Variants in URM1 observed in about 807,000 individuals in gnomAD.
The protein encoded by URM1 is ubiquitin-related modifier 1.
A neutral mutation model predicts 17.7 loss-of-function variants in URM1; 11 were observed. That is an observed-to-expected ratio of 0.62 (90% CI 0.39 to 1.03). The LOEUF (loss-of-function observed/expected upper bound fraction) is 1.03. Among genes scored for constraint, URM1 ranks in the 50% least tolerant of loss-of-function variants. The pLI, the probability that URM1 is intolerant of heterozygous loss-of-function variation, is 0.00. For synonymous variants in URM1, 48 were observed against 50.6 expected, an observed-to-expected ratio of 0.95 and a Z score of 0.22; for missense variants, 128 against 129.2, an observed-to-expected ratio of 0.99 and a Z score of 0.04.
At chr9:128,372,780 A>C (rs1477324753) in intron 1 of URM1, among the ~76,000 whole-genome samples, 3 of 152,106 alleles carry the variant, frequency 2.0e-5, no homozygotes, top group African/African-American at 7.2e-5. Flanking sequence ...CTGCTGTGTT[A>C]AGATTTATCT....
At chr9:128,378,136 T>C in intron 2 of URM1, 30 bp downstream of exon 2, 1 of 1,525,318 alleles carries the variant, frequency 6.6e-7, no homozygotes, top group Non-Finnish European at 9.0e-7. Context: ...ACCCCTCTCT[T>C]GGGGCCATTG....
chr9:128,375,170 T>A (rs768002311), intron 1 of URM1, among the ~76,000 whole-genome samples: 2 of 152,136 alleles, frequency 1.3e-5, no homozygotes, highest in Non-Finnish European at 2.9e-5. Context: ...TCCCTGAGGA[T>A]GAAATGAGAT....
rs1182897017 is a variant in URM1, at chr9:128,387,415, G to A, written c.107-401G>A. Among the ~76,000 whole-genome samples, 1 of 152,242 alleles carries A rather than the reference G, an allele frequency of 6.6e-6. No individual in the cohort carries two copies. Among genetic ancestry groups the A allele is most frequent in the Non-Finnish European group, 1.5e-5 (1 of 68,040 alleles). ...TGCGACTGGCTGGAGAGATAAAGGT[G>A]GAGGGGGCTCTTCAAGGTCCTCTCA... On this transcript the variant is annotated intron_variant, in intron 2 of 4. Coordinates refer to ENST00000372853, the MANE Select transcript of URM1 (RefSeq NM_030914.4). This position sits in a 1 kb window ranked among gnomAD's most constrained non-coding sequence, Gnocchi z 4.3.
chr9:128,375,581 A>G (rs1833065470), intron 1 of URM1, among the ~76,000 whole-genome samples: 1 of 151,920 alleles, frequency 6.6e-6, no homozygotes, highest in African/African-American at 2.4e-5. Flanking sequence ...TAGTTTTGAG[A>G]TAGGGTCTCA....
chr9:128,375,808 C>T (rs894406915), intron 1 of URM1, among the ~76,000 whole-genome samples: 16 of 152,040 alleles, frequency 1.1e-4, no homozygotes, highest in Admixed American at 8.5e-4. Context: ...AATCCTCCCT[C>T]GCCTCTCAGC....
rs750370980 is a variant in URM1 at position 128,389,654 on chromosome 9, C to G, written c.238-12C>G. On this transcript the variant is annotated splice_polypyrimidine_tract_variant and intron_variant, in intron 4 of 4. Coordinates refer to ENST00000372853, the MANE Select transcript of URM1 (RefSeq NM_030914.4). ...CCCTGAGGGTCTCCCGCTCCCCTCTCTCCCGCACCAGGGTGAGCTGGACTA... is the reference window on the plus strand; with the variant it reads ...CCCTGAGGGTCTCCCGCTCCCCTCTGTCCCGCACCAGGGTGAGCTGGACTA... 1 of 1,613,502 alleles carries G rather than the reference C, an allele frequency of 6.2e-7. No homozygotes were observed. The highest frequency in any genetic ancestry group is 8.5e-7 in the Non-Finnish European group (1 of 1,179,976).
At position 128,389,724 on chromosome 9, in the gene URM1, A is replaced by G. The variant is rs1379838312; in HGVS notation, c.296A>G (p.His99Arg). 1.9e-6 allele frequency: 3 copies of G among 1,613,362 alleles called. No homozygotes were observed. Among genetic ancestry groups the G allele is most frequent in the Non-Finnish European group, 2.5e-6 (3 of 1,179,992 alleles). The stretch of plus-strand genomic sequence containing the variant: ...AGCGTCCTCTTCATCTCCACTCTGC[A>G]CGGCGGCTGAGGGCCCTTCTCTGGG... ...QDSVLFISTL[H>R]GG is the part of the protein sequence containing the mutation. Residue 99 changes from histidine (H) to arginine (R), a missense_variant, in exon 5 of 5, where the codon CAC becomes CGC. Physicochemically the swap from His to Arg is conservative, Grantham distance 29 (BLOSUM62 0). Coordinates refer to ENST00000372853, the MANE Select transcript of URM1 (RefSeq NM_030914.4).
intron 2 of URM1, among the ~76,000 whole-genome samples, chr9:128,380,327 G>C (rs777839739): frequency 6.6e-6 from 1 of 151,430 alleles, no homozygotes; most frequent in Non-Finnish European, 1.5e-5. Flanking sequence ...GTGGAGGCTG[G>C]GGGGGGGACA....
intron 3 of URM1, chr9:128,389,001 A>C (rs1833266604): frequency 1.5e-6 from 2 of 1,301,744 alleles, no homozygotes; most frequent in South Asian, 4.9e-5. Context: ...TCAGAAACAA[A>C]ATGACCTGCC....
chr9:128,381,836 A>G (rs746897414), intron 2 of URM1, among the ~76,000 whole-genome samples: 1 of 152,260 alleles, frequency 6.6e-6, no homozygotes, highest in Non-Finnish European at 1.5e-5. Context: ...GCGCTTTGCC[A>G]CTAACCCATC....
intron 2 of URM1, among the ~76,000 whole-genome samples, 183 bp downstream of exon 2, chr9:128,378,289 A>G (rs1833105165): frequency 6.6e-6 from 1 of 151,970 alleles, no homozygotes; most frequent in African/African-American, 2.4e-5. Flanking sequence ...CTGTAATCCC[A>G]GCACTTTGGG....
chr9:128,386,057 G>C lies in URM1; in HGVS notation c.107-1759G>C, dbSNP rs564309292. Among the ~76,000 whole-genome samples the C allele has an allele frequency of 1.3e-4, 20 of 152,308 alleles. No individual in the cohort carries two copies. In the South Asian group the frequency reaches 3.9e-3, roughly 30 times the overall value. On this transcript the variant is annotated intron_variant, in intron 2 of 4. Transcript: ENST00000372853. ...TCCCCCACCCCCAGGCCTATCCAGA[G>C]TGGAGCAGAAGCACCTTCCCTTTGG... is the stretch of plus-strand genomic sequence containing the variant.
chr9:128,378,219 T>G, intron 2 of URM1, 113 bp downstream of exon 2: 1 of 721,654 alleles, frequency 1.4e-6, no homozygotes, highest in Admixed American at 2.9e-5. Flanking sequence ...CTAAGCTGCC[T>G]CTCTAGCAGG....
At chr9:128,382,429 T>A (rs912843619) in intron 2 of URM1, among the ~76,000 whole-genome samples, 1 of 152,148 alleles carries the variant, frequency 6.6e-6, no homozygotes. Flanking sequence ...GCCTAGGGGC[T>A]GCCACTTGGC....
At chr9:128,383,341 C>A (rs1387432990) in intron 2 of URM1, among the ~76,000 whole-genome samples, 2 of 152,098 alleles carry the variant, frequency 1.3e-5, no homozygotes, top group African/African-American at 4.8e-5. Flanking sequence ...TTGTAAATGG[C>A]CCCTCTGATG....
Position 128,371,394 on chromosome 9 carries a change from T to G in URM1, c.14T>G (p.Leu5Trp), listed in dbSNP as rs370183089. The G allele has an allele frequency of 6.2e-7, 1 of 1,612,898 alleles. No individual in the cohort carries two copies. The highest frequency in any genetic ancestry group is 8.5e-7 in the Non-Finnish European group (1 of 1,179,274). The change falls in exon 1 of 5, where the codon TTG becomes TGG. Residue 5 changes from leucine to tryptophan, a missense_variant. Transcript: ENST00000372853. MAAP[L>W]SVEVEFGGGA... The stretch of plus-strand genomic sequence containing the variant: ...GGCTTCCTCAACATGGCTGCGCCCT[T>G]GTCAGTGGAGGTGGAGTTCGGGTGA...
In URM1 at chr9:128,390,392, C is replaced by T. The variant is rs1833294899; in HGVS notation, c.*658C>T. On this transcript the variant is annotated 3_prime_UTR_variant, in exon 5 of 5. Coordinates refer to ENST00000372853, the MANE Select transcript of URM1 (RefSeq NM_030914.4). ...CGCTCCACAGGCCACCAGATGGGCT[C>T]CTGAGACCCTCCCCAGGCTGCTTAC... 1 of 152,626 alleles carries T rather than the reference C, an allele frequency of 6.6e-6. No homozygotes were observed. Among genetic ancestry groups the T allele is most frequent in the Non-Finnish European group, 1.5e-5 (1 of 68,412 alleles). 9.5% of individuals were successfully genotyped at this position (152,626 alleles called of 1,614,324 possible). A position where few individuals can be genotyped will look rare whatever the true frequency, so the allele number is the denominator to read the frequency against.
chr9:128,389,637 G>GTCTCCCGCTCCCCTC (rs768237190), intron 4 of URM1, 29 bp from the exon 5 acceptor site: 1 of 1,612,918 alleles, frequency 6.2e-7, no homozygotes, highest in South Asian at 1.1e-5. Context: ...GGCCCTGAGG[G>GTCTCCCGCTCCCCTC]TCTCCCGCTC....
At chr9:128,388,949 G>C (rs1475302876) in intron 3 of URM1, 3 of 1,192,520 alleles carry the variant, frequency 2.5e-6, no homozygotes, top group Non-Finnish European at 3.1e-6. Flanking sequence ...TTGTGGGTTA[G>C]ACAGTATCAC....
Sources: gnomAD v4.1 joint callset for allele counts (sites outside exome capture counted in the v4.1 genomes callset) on GRCh38, gnomAD v4.1.1 for gene constraint, Gnocchi (gnomAD v3.1) non-coding constraint, MANE v1.5 for transcripts, NCBI Gene and HGNC (gene_info 2026-07-23, HGNC 2026-07-21) for gene names.